ZNF154: variants seen among roughly 807,000 people sequenced by gnomAD.
ZNF154 encodes zinc finger protein 154 (pHZ-92).
A neutral mutation model predicts 7.5 loss-of-function variants in ZNF154; 6 were observed. The ratio of observed to expected loss-of-function variants is 0.80; its 90% CI spans 0.44 to 1.57. The LOEUF (loss-of-function observed/expected upper bound fraction) is 1.57, where lower values mean the gene tolerates loss of function less well. ZNF154 is among the 40% of genes most tolerant of loss of function. ZNF154 has a pLI of 0.01. For missense variants in ZNF154, 485 were observed against 531.4 expected, an observed-to-expected ratio of 0.91 and a Z score of 0.86; for synonymous variants, 187 against 185.9, an observed-to-expected ratio of 1.01 and a Z score of -0.05.
rs1051697933 is a variant in ZNF154 at position 57,698,358 on chromosome 19, A to G, written c.*3277T>C. On this transcript the variant is annotated 3_prime_UTR_variant, in exon 3 of 3. Coordinates refer to ENST00000684351, the MANE Select transcript of ZNF154 (RefSeq NM_001085384.3). ...TCATTGTCATGATTGTGAAGAAACA[A>G]CTTCTTCCTAATCATTTCACTACAT... The G allele has an allele frequency of 1.3e-5, 2 of 152,216 alleles. No individual in the cohort carries two copies. Among genetic ancestry groups the G allele is most frequent in the African/African-American group, 2.4e-5 (1 of 41,450 alleles). 9.4% of individuals were successfully genotyped at this position (152,216 alleles called of 1,614,324 possible). A position where few individuals can be genotyped will look rare whatever the true frequency, so the allele number is the denominator to read the frequency against.
Position 57,697,657 on chromosome 19 carries a change from A to G in ZNF154, c.*3978T>C, listed in dbSNP as rs1372094287. 3 of 152,190 alleles carry G rather than the reference A, an allele frequency of 2.0e-5. No individual in the cohort carries two copies. Among genetic ancestry groups the G allele is most frequent in the Non-Finnish European group, 2.9e-5 (2 of 68,030 alleles). The allele number at this position is 152,190 out of a possible 1,614,324, so 9.4% of individuals were successfully genotyped here. On this transcript the variant is annotated 3_prime_UTR_variant, in exon 3 of 3. Transcript: ENST00000684351. ...AAATTGCATTCTGAAGAGGCTATGCATTAAATAATATGATATCCGGGAGTA... is the reference window on the plus strand; with the variant it reads ...AAATTGCATTCTGAAGAGGCTATGCGTTAAATAATATGATATCCGGGAGTA...
rs199684904 is a variant in ZNF154, at chr19:57,702,204, C to G, written c.745G>C (p.Glu249Gln). Residue 249 changes from glutamate to glutamine, a missense_variant, in exon 3 of 3, where the codon GAA (glutamate) becomes CAA (glutamine). Glu to Gln is a conservative substitution (Grantham distance 29). Coordinates refer to ENST00000684351, the MANE Select transcript of ZNF154 (RefSeq NM_001085384.3). ...HTGERPYECS[E>Q]CGKSFSQRSA... The stretch of plus-strand genomic sequence containing the variant: ...CTTTGGCTAAAGGATTTCCCACATT[C>G]ACTGCACTCATATGGCCTTTCCCCA... 66 of 1,614,256 alleles carry G rather than the reference C, an allele frequency of 4.1e-5. No individual in the cohort carries two copies. Among genetic ancestry groups the G allele is most frequent in the Non-Finnish European group, 5.3e-5 (63 of 1,180,044 alleles).
rs183876080 is a variant in ZNF154, at chr19:57,697,468, T to A, written c.*4167A>T. The A allele has an allele frequency of 6.6e-6, 1 of 152,334 alleles. No individual in the cohort carries two copies. Among genetic ancestry groups the A allele is most frequent in the Non-Finnish European group, 1.5e-5 (1 of 68,030 alleles). The allele number at this position is 152,334 out of a possible 1,614,324, so 9.4% of individuals were successfully genotyped here. A position where few individuals can be genotyped will look rare whatever the true frequency, so the allele number is the denominator to read the frequency against. On this transcript the variant is annotated 3_prime_UTR_variant, in exon 3 of 3. Coordinates refer to ENST00000684351, the MANE Select transcript of ZNF154 (RefSeq NM_001085384.3). ...AGGTTACAGACTTATGAGATACAAC[T>A]ACTGAAAGCTATTAAATATACATTT...
rs1382786536 is a variant in ZNF154, at chr19:57,700,972, T to C, written c.*663A>G. 1 of 152,444 alleles carries C rather than the reference T, an allele frequency of 6.6e-6. No individual in the cohort carries two copies. The highest frequency in any genetic ancestry group is 1.5e-5 in the Non-Finnish European group (1 of 68,278). 9.4% of individuals were successfully genotyped at this position (152,444 alleles called of 1,614,324 possible). ...AGAACCCCCAAGATTAATAAGGCCTTTGTTATTGTACAAACCAAGGCAATA... is the reference window on the plus strand; with the variant it reads ...AGAACCCCCAAGATTAATAAGGCCTCTGTTATTGTACAAACCAAGGCAATA... On this transcript the variant is annotated 3_prime_UTR_variant, in exon 3 of 3. Coordinates refer to ENST00000684351, the MANE Select transcript of ZNF154 (RefSeq NM_001085384.3).
In ZNF154 at chr19:57,702,278, T is replaced by A; in HGVS notation, c.671A>T (p.Lys224Ile). 1 of 1,614,200 alleles carries A rather than the reference T, an allele frequency of 6.2e-7. No individual in the cohort carries two copies. The highest frequency in any genetic ancestry group is 8.5e-7 in the Non-Finnish European group (1 of 1,180,038). The change falls in exon 3 of 3, where the codon AAA becomes ATA. Residue 224 changes from lysine (K) to isoleucine (I), a missense_variant. By Grantham distance (102) the Lys-to-Ile change is moderately radical. Coordinates refer to ENST00000684351, the MANE Select transcript of ZNF154 (RefSeq NM_001085384.3). ...VRPHECDECG[K>I]LFSNKSNLIK... ...GAGGTTAGACTTGTTGCTAAATAATTTTCCACATTCATCACATTCATGAGG... is the reference window on the plus strand; with the variant it reads ...GAGGTTAGACTTGTTGCTAAATAATATTCCACATTCATCACATTCATGAGG...
chr19:57,702,787 A>G lies in ZNF154; in HGVS notation c.162T>C (p.Asp54=). The G allele has an allele frequency of 1.3e-6, 2 of 1,595,868 alleles. No homozygotes were observed. Among genetic ancestry groups the G allele is most frequent in the Non-Finnish European group, 1.7e-6 (2 of 1,167,760 alleles). Reference sequence around the variant, plus strand: ...CAAGGTGCTGCTTCTGATGATGAACATCTGCAATGAAATACAATTATTTCC... The same window carrying G: ...CAAGGTGCTGCTTCTGATGATGAACGTCTGCAATGAAATACAATTATTTCC... ...LENLALLTSL[D]VHHQKQHLGE... The change falls in exon 3 of 3, where the codon GAT becomes GAC. Residue 54 remains aspartate (D), a splice_region_variant and synonymous_variant. Transcript: ENST00000684351.
At position 57,708,298 on chromosome 19, in the gene ZNF154, T is replaced by C. The variant is rs548497398; in HGVS notation, c.33+641A>G. On this transcript the variant is annotated intron_variant, in intron 1 of 2. Transcript: ENST00000684351. ...AAACCCTAACATAGGGCGGGCACGG[T>C]GGCTCACGCCTGTAATCCCAGCACT... 7.9e-4 allele frequency among the ~76,000 whole-genome samples: 121 copies of C among 152,344 alleles called. 2 individuals are homozygous for C. Among genetic ancestry groups the C allele is most frequent in the East Asian group, 2.1e-3 (11 of 5,182 alleles).
In ZNF154 at chr19:57,704,981, T is replaced by G; in HGVS notation, c.34-2A>C. 1 of 1,608,200 alleles carries G rather than the reference T, an allele frequency of 6.2e-7. No individual in the cohort carries two copies. Among genetic ancestry groups the G allele is most frequent in the East Asian group, 2.2e-5 (1 of 44,668 alleles). ...CACATCTTCAAAGGTCACAGTGCCC[T>G]GCCACAATGGGAACAGATGAAACCA... On this transcript the variant is annotated splice_acceptor_variant, in intron 1 of 2. Transcript: ENST00000684351. LOFTEE classifies it high-confidence loss of function.
Position 57,701,806 on chromosome 19 carries a change from T to G in ZNF154, c.1143A>C (p.Gly381=). Residue 381 remains glycine (G), a synonymous_variant, in exon 3 of 3, where the codon GGA becomes GGC. Coordinates refer to ENST00000684351, the MANE Select transcript of ZNF154 (RefSeq NM_001085384.3). The part of the protein sequence containing the change: ...SLRKHQRVHT[G]SRPYECSECG... ...ATTCACTGCACTCATAGGGTCTTGA[T>G]CCAGTGTGAACTCTCTGGTGTTTTC... is the stretch of plus-strand genomic sequence containing the variant. 1 of 1,614,034 alleles carries G rather than the reference T, an allele frequency of 6.2e-7. No individual in the cohort carries two copies. The highest frequency in any genetic ancestry group is 8.5e-7 in the Non-Finnish European group (1 of 1,180,002).
Position 57,701,654 on chromosome 19 carries a change from T to C in ZNF154, c.1295A>G (p.Gln432Arg). ...AGGCTTTTATCGACTATGAATTCTC[T>C]GATGTTTAATAAGGCTGGAGTTATG... ...FSHNSSLIKHQRIHSR is the reference protein window; with the variant it reads ...FSHNSSLIKHRRIHSR The change falls in exon 3 of 3, where the codon CAG (glutamine) becomes CGG (arginine). Residue 432 changes from glutamine to arginine, a missense_variant. Coordinates refer to ENST00000684351, the MANE Select transcript of ZNF154 (RefSeq NM_001085384.3). 1.2e-6 allele frequency: 2 copies of C among 1,612,434 alleles called. No individual in the cohort carries two copies. Among genetic ancestry groups the C allele is most frequent in the Non-Finnish European group, 1.7e-6 (2 of 1,178,536 alleles).
At position 57,709,101 on chromosome 19, in the gene ZNF154, G is replaced by A; in HGVS notation, c.-130C>T. Reference sequence around the variant, plus strand: ...GTCGCCAAGGCTTAGACGCTTTCGTGCAGGAGGGACGACGACTCCCCTCAC... The same window carrying A: ...GTCGCCAAGGCTTAGACGCTTTCGTACAGGAGGGACGACGACTCCCCTCAC... On this transcript the variant is annotated 5_prime_UTR_variant, in exon 1 of 3. Coordinates refer to ENST00000684351, the MANE Select transcript of ZNF154 (RefSeq NM_001085384.3). The A allele has an allele frequency of 7.7e-7, 1 of 1,303,238 alleles. No homozygotes were observed. Among genetic ancestry groups the A allele is most frequent in the Non-Finnish European group, 1.1e-6 (1 of 933,292 alleles). The allele number at this position is 1,303,238 out of a possible 1,614,324, so 80.7% of individuals were successfully genotyped here. A position where few individuals can be genotyped will look rare whatever the true frequency, so the allele number is the denominator to read the frequency against.
rs928749291 is a variant in ZNF154 at position 57,701,719 on chromosome 19, C to T, written c.1230G>A (p.Glu410=). The change falls in exon 3 of 3, where the codon GAG becomes GAA. Residue 410 remains glutamate, a synonymous_variant. Coordinates refer to ENST00000684351, the MANE Select transcript of ZNF154 (RefSeq NM_001085384.3). ...LIKHRRVHTG[E]KPYECTECGK... is the part of the protein sequence containing the mutation. Reference sequence around the variant, plus strand: ...CACATTCCGTGCACTCATAAGGCTTCTCCCCAGTGTGAACCCTCCTGTGCT... The same window carrying T: ...CACATTCCGTGCACTCATAAGGCTTTTCCCCAGTGTGAACCCTCCTGTGCT... The T allele has an allele frequency of 3.1e-6, 5 of 1,613,960 alleles. No individual in the cohort carries two copies. The highest frequency in any genetic ancestry group is 4.2e-6 in the Non-Finnish European group (5 of 1,179,938).
At position 57,697,762 on chromosome 19, in the gene ZNF154, A is replaced by G. The variant is rs762903955; in HGVS notation, c.*3873T>C. On this transcript the variant is annotated 3_prime_UTR_variant, in exon 3 of 3. Coordinates refer to ENST00000684351, the MANE Select transcript of ZNF154 (RefSeq NM_001085384.3). The stretch of plus-strand genomic sequence containing the variant: ...GAAATGATAAATGGTGAAGGAAAAA[A>G]AAATAGTGAAGGAAGACTGGAGAAA... 1.3e-5 allele frequency: 2 copies of G among 152,186 alleles called. No individual in the cohort carries two copies. The highest frequency in any genetic ancestry group is 2.4e-5 in the African/African-American group (1 of 41,448). The allele number at this position is 152,186 out of a possible 1,614,324, so 9.4% of individuals were successfully genotyped here. A position where few individuals can be genotyped will look rare whatever the true frequency, so the allele number is the denominator to read the frequency against.
chr19:57,708,401 C>T (rs1360590137), intron 1 of ZNF154, among the ~76,000 whole-genome samples: 1 of 152,106 alleles, frequency 6.6e-6, no homozygotes, highest in Non-Finnish European at 1.5e-5. Flanking sequence ...CCCGTCTCTA[C>T]TAAAAATACA....
In ZNF154 at chr19:57,701,622, A is replaced by C. The variant is rs1568461017; in HGVS notation, c.*13T>G. 1.2e-6 allele frequency: 2 copies of C among 1,602,962 alleles called. No homozygotes were observed. Among genetic ancestry groups the C allele is most frequent in the Non-Finnish European group, 1.7e-6 (2 of 1,172,618 alleles). On this transcript the variant is annotated 3_prime_UTR_variant, in exon 3 of 3. Coordinates refer to ENST00000684351, the MANE Select transcript of ZNF154 (RefSeq NM_001085384.3). ...TGCTAACAGATTTTCCACATTTGCC[A>C]CTCATAAGGCTTTTATCGACTATGA... is the stretch of plus-strand genomic sequence containing the variant.
chr19:57,699,981 A>T lies in ZNF154; in HGVS notation c.*1654T>A, dbSNP rs554927284. The T allele has an allele frequency of 5.3e-4, 81 of 152,264 alleles. No individual in the cohort carries two copies. The highest frequency in any genetic ancestry group is 1.9e-3 in the African/African-American group (79 of 41,522). The allele number at this position is 152,264 out of a possible 1,614,324, so 9.4% of individuals were successfully genotyped here. On this transcript the variant is annotated 3_prime_UTR_variant, in exon 3 of 3. Coordinates refer to ENST00000684351, the MANE Select transcript of ZNF154 (RefSeq NM_001085384.3). ...GAGCAAGACTCTGACTCAAAAAAAA[A>T]TAAAAATAAAAATAAATCATGGTTC... is the stretch of plus-strand genomic sequence containing the variant.
chr19:57,704,101 G>A (rs551443979), intron 2 of ZNF154, among the ~76,000 whole-genome samples: 12 of 152,288 alleles, frequency 7.9e-5, no homozygotes, highest in Admixed American at 2.0e-4. Context: ...AAACAGATAA[G>A]ATACGGAGTC....
At position 57,699,579 on chromosome 19, in the gene ZNF154, A is replaced by ACT; in HGVS notation, c.*2055_*2056insAG. On this transcript the variant is annotated 3_prime_UTR_variant, in exon 3 of 3. Coordinates refer to ENST00000684351, the MANE Select transcript of ZNF154 (RefSeq NM_001085384.3). ...AGTTGACAATGACCAATTGAGAGCAATATTAGAAGCTGATCCTCTTACAAC... is the reference window on the plus strand; with the variant it reads ...AGTTGACAATGACCAATTGAGAGCAACTTATTAGAAGCTGATCCTCTTACAAC... 1 of 232,918 alleles carries ACT rather than the reference A, an allele frequency of 4.3e-6. No individual in the cohort carries two copies. Among genetic ancestry groups the ACT allele is most frequent in the Non-Finnish European group, 9.1e-6 (1 of 110,164 alleles). The allele number at this position is 232,918 out of a possible 1,614,324, so 14.4% of individuals were successfully genotyped here.
chr19:57,708,808 A>G, intron 1 of ZNF154, 131 bp downstream of exon 1: 6 of 1,241,920 alleles, frequency 4.8e-6, no homozygotes, highest in Non-Finnish European at 6.7e-6. Flanking sequence ...GTGTCAAAAA[A>G]AGGGCCCCAC....
Sources: allele counts gnomAD v4.1 joint callset (sites outside exome capture counted in the v4.1 genomes callset), GRCh38; gene constraint gnomAD v4.1.1; transcripts MANE v1.5; gene names NCBI Gene and HGNC (gene_info 2026-07-23, HGNC 2026-07-21).